API5: variants seen among roughly 807,000 people sequenced by gnomAD.
API5 encodes the protein FIF.
A neutral mutation model predicts 71.9 loss-of-function variants in API5; 6 were observed. That is an observed-to-expected ratio of 0.08 (90% CI 0.05 to 0.16). The LOEUF is 0.16. Among genes scored for constraint, API5 ranks in the 10% least tolerant of loss-of-function variants. The pLI is 1.00. For synonymous variants in API5, 189 were observed against 221.3 expected (o/e 0.85, Z 1.30); for missense variants, 332 against 612.8 (o/e 0.54, Z 4.84).
intron 5 of API5, 50 bp from the exon 6 acceptor site, chr11:43,323,380 T>C (rs772611364): frequency 6.9e-7 from 1 of 1,450,602 alleles, no homozygotes; most frequent in Non-Finnish European, 9.7e-7. Flanking sequence ...TGTTGATCTG[T>C]CCCATTCAAA....
At position 43,343,700 on chromosome 11, in the gene API5, G is replaced by A. The variant is rs1213163137; in HGVS notation, c.*1190G>A. 1 of 152,656 alleles carries A rather than the reference G, an allele frequency of 6.6e-6. No homozygotes were observed. Among genetic ancestry groups the A allele is most frequent in the African/African-American group, 2.4e-5 (1 of 41,466 alleles). 9.5% of individuals were successfully genotyped at this position (152,656 alleles called of 1,614,324 possible). Reference sequence around the variant, plus strand: ...ATAGAATTTTTAGGTTAAAACAACAGATGGGGGGTTTGTGGAGTGTTTAAT... The same window carrying A: ...ATAGAATTTTTAGGTTAAAACAACAAATGGGGGGTTTGTGGAGTGTTTAAT... On this transcript the variant is annotated 3_prime_UTR_variant, in exon 14 of 14. Coordinates refer to ENST00000531273, the MANE Select transcript of API5 (RefSeq NM_001142930.2).
chr11:43,341,142 A>G (rs1855598884), intron 13 of API5, among the ~76,000 whole-genome samples: 1 of 152,232 alleles, frequency 6.6e-6, no homozygotes. Context: ...AAGAAGACGT[A>G]CAAATGGCCA....
At chr11:43,332,332 G>A (rs768527972) in intron 11 of API5, among the ~76,000 whole-genome samples, 3 of 152,120 alleles carry the variant, frequency 2.0e-5, no homozygotes, top group Non-Finnish European at 4.4e-5. Flanking sequence ...GATTCCACAT[G>A]TTGAGGGCCC....
At chr11:43,317,431 G>A (rs1032431962) in intron 1 of API5, among the ~76,000 whole-genome samples, 1 of 151,902 alleles carries the variant, frequency 6.6e-6, no homozygotes, top group Admixed American at 6.6e-5. Flanking sequence ...TCCAATAAAA[G>A]GTTTAAACAT....
chr11:43,341,035 G>T (rs1855594024), intron 13 of API5, among the ~76,000 whole-genome samples: 1 of 152,080 alleles, frequency 6.6e-6, no homozygotes, highest in African/African-American at 2.4e-5. Context: ...ATGCAACAGA[G>T]GATTAATATT....
In API5 at chr11:43,341,516, CAT is replaced by C. The variant is rs149109768; in HGVS notation, c.1493-911_1493-910del. On this transcript the variant is annotated intron_variant, in intron 13 of 13. Coordinates refer to ENST00000531273, the MANE Select transcript of API5 (RefSeq NM_001142930.2). ...AAATTAAACAATGCATGTTCTCACT[CAT>C]GTGGAAGTTTTAAAAAGTTAATCTT... is the stretch of plus-strand genomic sequence containing the variant. Among the ~76,000 whole-genome samples the C allele has an allele frequency of 6.5e-3, 986 of 152,202 alleles. 7 individuals carry two copies. Among genetic ancestry groups the C allele is most frequent in the African/African-American group, 0.02 (847 of 41,524 alleles).
chr11:43,329,107 C>T, intron 9 of API5: 6 of 512,992 alleles, frequency 1.2e-5, no homozygotes, highest in Non-Finnish European at 2.1e-5. Context: ...TTTGGGAGGC[C>T]AAGGCAGGAG....
chr11:43,331,220 G>A (rs1855242946), intron 11 of API5: 2 of 152,632 alleles, frequency 1.3e-5, no homozygotes, highest in Admixed American at 6.6e-5. Context: ...TTAGGGATAC[G>A]GACCCCATGT....
At chr11:43,320,768 G>T in intron 2 of API5, 53 bp from the exon 3 acceptor site, 14 of 1,283,302 alleles carry the variant, frequency 1.1e-5, no homozygotes, top group Non-Finnish European at 1.4e-5. Context: ...AAAGCTGTTT[G>T]TTATTTTAAA....
chr11:43,331,064 G>T (rs1454309340), intron 11 of API5, among the ~76,000 whole-genome samples: 1 of 152,162 alleles, frequency 6.6e-6, no homozygotes, highest in Non-Finnish European at 1.5e-5. Context: ...CAGCTTAATT[G>T]TATTGTGCCA....
chr11:43,312,006 G>C lies in API5; in HGVS notation c.-122G>C, dbSNP rs2134329074. 1.8e-6 allele frequency: 2 copies of C among 1,119,938 alleles called. No individual in the cohort carries two copies. The highest frequency in any genetic ancestry group is 2.6e-5 in the East Asian group (1 of 38,840). 69.4% of individuals were successfully genotyped at this position (1,119,938 alleles called of 1,614,324 possible). On this transcript the variant is annotated 5_prime_UTR_variant, in exon 1 of 14. Transcript: ENST00000531273. ...GCCGCGCTGTGCGCGGTGACTGGCG[G>C]CTGCACTGGCGGCAGCTGGAGGTGT... is the stretch of plus-strand genomic sequence containing the variant.
rs1854749954 is a variant in API5 at position 43,318,396 on chromosome 11, A to G, written c.70-244A>G. ...GAAGTATTGGCATATTAACAAACAC[A>G]TTTGCTTTTTCCACTTAAAATTAGA... On this transcript the variant is annotated intron_variant, in intron 1 of 13. Transcript: ENST00000531273. The G allele has an allele frequency of 9.9e-6, 15 of 1,509,042 alleles. 2 individuals are homozygous for G. The South Asian group carries it at 1.8e-4, about 18-fold the overall frequency. The allele number at this position is 1,509,042 out of a possible 1,614,324, so 93.5% of individuals were successfully genotyped here.
At chr11:43,338,220 G>A (rs897636141) in intron 13 of API5, among the ~76,000 whole-genome samples, 3 of 152,178 alleles carry the variant, frequency 2.0e-5, no homozygotes, top group African/African-American at 7.2e-5. Context: ...TGAAGCATTT[G>A]CTTGACTTTA....
At chr11:43,328,101 C>T (rs527708721) in intron 8 of API5, among the ~76,000 whole-genome samples, 1 of 152,262 alleles carries the variant, frequency 6.6e-6, no homozygotes, top group East Asian at 1.9e-4. Flanking sequence ...AAATCATTAT[C>T]AGCATCACTG....
In API5 at chr11:43,330,523, G is replaced by A. The variant is rs1855217183; in HGVS notation, c.1237G>A (p.Val413Ile). The A allele has an allele frequency of 1.2e-6, 2 of 1,600,212 alleles. No individual in the cohort carries two copies. The highest frequency in any genetic ancestry group is 1.7e-6 in the Non-Finnish European group (2 of 1,168,102). The change falls in exon 11 of 14, where the codon GTT (valine) becomes ATT (isoleucine). Residue 413 changes from valine (V) to isoleucine (I), a missense_variant. Physicochemically the swap from Val to Ile is conservative, Grantham distance 29. Around this residue, in one of 3 missense-constraint regions of API5, gnomAD observed 168 missense variants for 343.9 expected, o/e 0.49. Transcript: ENST00000531273. ...LKTEENKIKV[V>I]ALKITNNINV... Reference sequence around the variant, plus strand: ...CCCTTTGTAGAACAAGATTAAAGTCGTTGCATTGAAAATAACAAACAATAT... The same window carrying A: ...CCCTTTGTAGAACAAGATTAAAGTCATTGCATTGAAAATAACAAACAATAT...
chr11:43,328,952 C>CTT, intron 9 of API5, 59 bp downstream of exon 9: 1 of 1,578,320 alleles, frequency 6.3e-7, no homozygotes, highest in Admixed American at 1.7e-5. Flanking sequence ...CCTGAAGTTC[C>CTT]TTGGGTTTTG....
rs1233056111 is a variant in API5, at chr11:43,328,872, A to G, written c.1106A>G (p.Lys369Arg). 3.1e-6 allele frequency: 5 copies of G among 1,613,874 alleles called. No individual in the cohort carries two copies. Among genetic ancestry groups the G allele is most frequent in the Non-Finnish European group, 4.2e-6 (5 of 1,179,980 alleles). Residue 369 changes from lysine (K) to arginine (R), a missense_variant, in exon 9 of 14, where the codon AAG (lysine) becomes AGG (arginine). Physicochemically the swap from Lys to Arg is conservative, Grantham distance 26. Coordinates refer to ENST00000531273, the MANE Select transcript of API5 (RefSeq NM_001142930.2). ...TTAACAGCCAAACTGAATGCAGAAA[A>G]GCTCAAAGATTTCAAAATCAGGTGA... ...DFLTAKLNAEKLKDFKIRLQY... is the reference protein window; with the variant it reads ...DFLTAKLNAERLKDFKIRLQY...
chr11:43,331,479 GA>G (rs540415925), intron 11 of API5: 7 of 209,802 alleles, frequency 3.3e-5, no homozygotes, highest in East Asian at 1.4e-4. Flanking sequence ...AAAGCTGCAG[GA>G]AAAAAATGTT....
At chr11:43,326,673 A>G (rs1239761871) in intron 7 of API5, 62 bp downstream of exon 7, 4 of 945,132 alleles carry the variant, frequency 4.2e-6, no homozygotes, top group Non-Finnish European at 6.8e-6. Flanking sequence ...AAAAATGTAA[A>G]CCACTAACTT....
Sources: gnomAD v4.1 joint callset for allele counts (sites outside exome capture counted in the v4.1 genomes callset) on GRCh38, gnomAD v4.1.1 for gene constraint, gnomAD v4.1.1 regional missense constraint, MANE v1.5 for transcripts, NCBI Gene and HGNC (gene_info 2026-07-23, HGNC 2026-07-21) for gene names.